The following PTPRK variants were observed in gnomAD, a reference collection of about 807,000 sequenced individuals.
PTPRK encodes protein tyrosine phosphatase receptor type K.
Under a neutral mutation model 178.0 loss-of-function variants are expected in PTPRK, and 75 were observed. The observed-to-expected ratio is 0.42, with a 90% CI of 0.35 to 0.51. The LOEUF (loss-of-function observed/expected upper bound fraction) is 0.51. Ranked by LOEUF, PTPRK falls within the 20% of genes least tolerant of loss-of-function variation. The pLI is 0.02. For synonymous variants in PTPRK, 637 were observed against 620.6 expected (o/e 1.03, Z -0.39); for missense variants, 1,441 against 1,797.8 (o/e 0.80, Z 3.59).
intron 7 of PTPRK, among the ~76,000 whole-genome samples, chr6:128,153,275 G>A (rs1352532604): frequency 6.6e-6 from 1 of 151,740 alleles, no homozygotes; most frequent in Non-Finnish European, 1.5e-5. Context: ...AAAATGGCAA[G>A]ATAGTGAAGA....
chr6:128,227,365 G>A (rs923768997), intron 5 of PTPRK, among the ~76,000 whole-genome samples: 6 of 152,254 alleles, frequency 3.9e-5, no homozygotes, highest in Admixed American at 1.3e-4. Flanking sequence ...TGGCAGTAGC[G>A]TAGTTTTTTA....
chr6:128,420,461 C>T (rs906516020), intron 1 of PTPRK, among the ~76,000 whole-genome samples: 5 of 152,180 alleles, frequency 3.3e-5, no homozygotes, highest in Non-Finnish European at 5.9e-5. Flanking sequence ...TTACTACCCA[C>T]TAAATCCTAG....
intron 25 of PTPRK, among the ~76,000 whole-genome samples, 166 bp downstream of exon 25, chr6:127,980,950 T>C (rs1366496844): frequency 6.6e-6 from 1 of 152,186 alleles, no homozygotes; most frequent in Admixed American, 6.5e-5. Context: ...AGAATCTCTA[T>C]AGGGAAAACC....
chr6:128,307,899 A>T (rs1222223338), intron 3 of PTPRK, among the ~76,000 whole-genome samples: 1 of 147,730 alleles, frequency 6.8e-6, no homozygotes, highest in Non-Finnish European at 1.5e-5. Context: ...TAGAGTCAAC[A>T]AGTTGAATAC....
At chr6:128,306,847 T>C (rs1826458748) in intron 3 of PTPRK, among the ~76,000 whole-genome samples, 1 of 152,082 alleles carries the variant, frequency 6.6e-6, no homozygotes, top group Admixed American at 6.5e-5. Context: ...GAAAAATTAA[T>C]ACTAATATGG....
At chr6:128,447,986 A>T (rs550310703) in intron 1 of PTPRK, among the ~76,000 whole-genome samples, 1 of 152,300 alleles carries the variant, frequency 6.6e-6, no homozygotes, top group South Asian at 2.1e-4. Context: ...ATTTGGAAAT[A>T]TTGGGGCCAA....
At chr6:128,336,818 T>C (rs1037074182) in intron 2 of PTPRK, among the ~76,000 whole-genome samples, 1 of 152,200 alleles carries the variant, frequency 6.6e-6, no homozygotes, top group African/African-American at 2.4e-5. Flanking sequence ...CATGAACTAG[T>C]AGTGATTGCT....
intron 1 of PTPRK, 66 bp from the exon 2 acceptor site, chr6:128,397,754 G>A: frequency 1.3e-6 from 2 of 1,497,124 alleles, no homozygotes. Context: ...AAGTTCTGGA[G>A]AAGGAAATGT....
At chr6:128,434,826 C>T (rs1845295742) in intron 1 of PTPRK, among the ~76,000 whole-genome samples, 1 of 151,756 alleles carries the variant, frequency 6.6e-6, no homozygotes, top group Admixed American at 6.6e-5. Context: ...TCAACACCAG[C>T]CTTGGCAAAA....
Position 128,388,325 on chromosome 6 carries a change from C to T in PTPRK, c.223+9241G>A, listed in dbSNP as rs549701327. Among the ~76,000 whole-genome samples the T allele has an allele frequency of 1.1e-4, 17 of 152,124 alleles. 1 individual carries two copies. In the South Asian group the frequency reaches 2.9e-3, roughly 26 times the overall value. ...ATTTTAGACCTTTAAAGAGAGATAG[C>T]CTGAGGTAAAAAGATGACCTACTGA... On this transcript the variant is annotated intron_variant, in intron 2 of 29. Transcript: ENST00000368226.
At chr6:128,382,158 A>T (rs1380545257) in intron 2 of PTPRK, among the ~76,000 whole-genome samples, 1 of 150,804 alleles carries the variant, frequency 6.6e-6, no homozygotes, top group African/African-American at 2.4e-5. Flanking sequence ...TCTCAAAAAA[A>T]AAAAAAAAAA....
intron 27 of PTPRK, among the ~76,000 whole-genome samples, 198 bp downstream of exon 27, chr6:127,976,459 C>T (rs3901020): frequency 1.1e-4 from 17 of 152,040 alleles, no homozygotes; most frequent in South Asian, 8.3e-4. Flanking sequence ...AGTGACTGAC[C>T]GAAAAACCTA....
intron 1 of PTPRK, among the ~76,000 whole-genome samples, chr6:128,464,645 A>ATATATATATATATATATG (rs1849573597): frequency 2.3e-5 from 2 of 86,990 alleles, no homozygotes; most frequent in Admixed American, 1.1e-4. Context: ...ACACATATAT[A>ATATATATATATATATATG]TATATATATA....
At chr6:127,990,717 AGAAAAAGC>A in intron 21 of PTPRK, 44 bp downstream of exon 21, 1 of 1,191,990 alleles carries the variant, frequency 8.4e-7, no homozygotes, top group Admixed American at 1.9e-5. Flanking sequence ...AGATTTTAAG[AGAAAAAGC>A]AGTTTTGATA....
chr6:128,435,400 T>C (rs1845463937), intron 1 of PTPRK, among the ~76,000 whole-genome samples: 2 of 152,170 alleles, frequency 1.3e-5, no homozygotes, highest in African/African-American at 4.8e-5. Context: ...TAGTTGGTCT[T>C]TTGAGGATGA....
chr6:128,434,051 G>A (rs1047665094), intron 1 of PTPRK, among the ~76,000 whole-genome samples: 2 of 151,144 alleles, frequency 1.3e-5, no homozygotes, highest in Admixed American at 1.3e-4. Context: ...TCACCATTAG[G>A]CAACGGTGGC....
intron 3 of PTPRK, among the ~76,000 whole-genome samples, chr6:128,262,762 G>A (rs1818357072): frequency 6.8e-6 from 1 of 146,468 alleles, no homozygotes; most frequent in African/African-American, 2.6e-5. Flanking sequence ...TTTTGTAAAT[G>A]AAATACCCTT....
intron 7 of PTPRK, among the ~76,000 whole-genome samples, chr6:128,103,644 C>G (rs1054293742): frequency 6.6e-6 from 1 of 152,188 alleles, no homozygotes; most frequent in Non-Finnish European, 1.5e-5. Context: ...TCTGACACAT[C>G]ACATCCTTTT....
At chr6:128,074,533 A>T (rs1306087252) in intron 11 of PTPRK, among the ~76,000 whole-genome samples, 1 of 152,080 alleles carries the variant, frequency 6.6e-6, no homozygotes. Context: ...ATTGATTCTA[A>T]ATGTAGACAA....
Sources: gnomAD v4.1 joint callset for allele counts (sites outside exome capture counted in the v4.1 genomes callset) on GRCh38, gnomAD v4.1.1 for gene constraint, MANE v1.5 for transcripts, NCBI Gene and HGNC (gene_info 2026-07-23, HGNC 2026-07-21) for gene names.